Variants in IL1RAPL1 observed in about 807,000 individuals in gnomAD.
IL1RAPL1 encodes interleukin-1 receptor accessory protein-like 1.
A neutral mutation model predicts 48.4 loss-of-function variants in IL1RAPL1; 3 were observed. The ratio of observed to expected loss-of-function variants is 0.06; its 90% CI spans 0.03 to 0.16. The LOEUF (loss-of-function observed/expected upper bound fraction) is 0.16, where lower values mean the gene tolerates loss of function less well. Among genes scored for constraint, IL1RAPL1 ranks in the 10% least tolerant of loss-of-function variants. The pLI, the probability that IL1RAPL1 is intolerant of heterozygous loss-of-function variation, is 1.00. For missense variants in IL1RAPL1, 349 were observed against 530.6 expected (o/e 0.66, Z 3.36); for synonymous variants, 185 against 187.7 (o/e 0.99, Z 0.12).
chrX:29,113,974 T>C (rs1928625552), intron 2 of IL1RAPL1, among the ~76,000 whole-genome samples: 1 of 112,085 alleles, frequency 8.9e-6, no homozygotes, highest in Non-Finnish European at 1.9e-5. Flanking sequence ...TCTAGTTTTT[T>C]TGTAATGCAT....
chrX:28,625,200 T>C (rs1934326473), intron 1 of IL1RAPL1, among the ~76,000 whole-genome samples: 1 of 112,085 alleles, frequency 8.9e-6, no homozygotes, highest in East Asian at 2.8e-4. Context: ...GGATTCCTGC[T>C]CACCCATCTC....
chrX:29,157,367 G>A (rs1242192764), intron 2 of IL1RAPL1, among the ~76,000 whole-genome samples: 1 of 111,583 alleles, frequency 9.0e-6, no homozygotes, highest in Non-Finnish European at 1.9e-5. Flanking sequence ...ATTCATTGAA[G>A]TGCTGTAAAA....
At chrX:29,140,484 C>G (rs1929222700) in intron 2 of IL1RAPL1, among the ~76,000 whole-genome samples, 1 of 111,675 alleles carries the variant, frequency 9.0e-6, no homozygotes, top group African/African-American at 3.3e-5. Context: ...ATAGATGCAT[C>G]CACTGATGAG....
At chrX:29,387,054 A>C (rs753203430) in intron 3 of IL1RAPL1, among the ~76,000 whole-genome samples, 26 of 112,162 alleles carry the variant, frequency 2.3e-4, no homozygotes, top group Non-Finnish European at 4.3e-4. Context: ...ATTATTTCAA[A>C]CCATGACAGG....
At chrX:29,839,780 A>C (rs1393398622) in intron 6 of IL1RAPL1, among the ~76,000 whole-genome samples, 1 of 110,993 alleles carries the variant, frequency 9.0e-6, no homozygotes, top group Non-Finnish European at 1.9e-5. Context: ...AAATTAGCCA[A>C]ACATGGCGGT....
At chrX:28,827,610 A>G (rs1937007218) in intron 2 of IL1RAPL1, among the ~76,000 whole-genome samples, 1 of 111,824 alleles carries the variant, frequency 8.9e-6, no homozygotes, top group African/African-American at 3.2e-5. Flanking sequence ...GATCTATATT[A>G]CGTGGTAGTT....
At chrX:28,603,023 A>G (rs1391394655) in intron 1 of IL1RAPL1, among the ~76,000 whole-genome samples, 1 of 111,816 alleles carries the variant, frequency 8.9e-6, no homozygotes, top group Non-Finnish European at 1.9e-5. Flanking sequence ...GTATACACAC[A>G]AATTTACTTT....
chrX:29,244,545 A>G (rs1931475260), intron 2 of IL1RAPL1, among the ~76,000 whole-genome samples: 1 of 112,260 alleles, frequency 8.9e-6, no homozygotes, highest in African/African-American at 3.2e-5. Flanking sequence ...TTTCCATCCC[A>G]TATCAAAACT....
intron 5 of IL1RAPL1, among the ~76,000 whole-genome samples, chrX:29,541,904 C>T (rs1399124363): frequency 9.1e-6 from 1 of 110,450 alleles, no homozygotes; most frequent in Non-Finnish European, 1.9e-5. Flanking sequence ...CAAACCCACA[C>T]GTGTAGCCCC....
intron 2 of IL1RAPL1, among the ~76,000 whole-genome samples, chrX:29,207,929 T>C (rs1434552230): frequency 8.9e-6 from 1 of 111,871 alleles, no homozygotes; most frequent in Non-Finnish European, 1.9e-5. Context: ...TAAATACATA[T>C]ATATTTGTAA....
At chrX:28,805,778 CTGTTT>C (rs1294760802) in intron 2 of IL1RAPL1, among the ~76,000 whole-genome samples, 1 of 110,657 alleles carries the variant, frequency 9.0e-6, no homozygotes, top group African/African-American at 3.3e-5. Flanking sequence ...TTAAAAATAT[CTGTTT>C]TATTTACCTA....
At chrX:29,766,960 C>G (rs930206127) in intron 6 of IL1RAPL1, among the ~76,000 whole-genome samples, 1 of 109,575 alleles carries the variant, frequency 9.1e-6, no homozygotes, top group Non-Finnish European at 1.9e-5. Context: ...ATTTATGGTA[C>G]TGTTATCTAA....
At chrX:28,838,650 CT>C (rs932812862) in intron 2 of IL1RAPL1, among the ~76,000 whole-genome samples, 3 of 109,267 alleles carry the variant, frequency 2.7e-5, no homozygotes, top group Admixed American at 2.0e-4. Context: ...TTTTGTCTTC[CT>C]TTTTTTTGTT....
chrX:29,246,398 C>G (rs1010133621), intron 2 of IL1RAPL1, among the ~76,000 whole-genome samples: 1 of 109,936 alleles, frequency 9.1e-6, no homozygotes, highest in African/African-American at 3.3e-5. Flanking sequence ...CCCCTGATAG[C>G]TGATCTACCT....
chrX:28,654,083 G>A (rs965285022), intron 1 of IL1RAPL1, among the ~76,000 whole-genome samples: 4 of 110,437 alleles, frequency 3.6e-5, no homozygotes, highest in Admixed American at 9.7e-5. Context: ...CTACTATGGG[G>A]CTAAGGCAGG....
In IL1RAPL1 at chrX:29,472,337, T is replaced by C. The variant is rs144468290; in HGVS notation, c.703+73029T>C. On this transcript the variant is annotated intron_variant, in intron 5 of 10. Transcript: ENST00000378993. ...TCACTTTTTCTCCTTGGCTAGTAAA[T>C]GTGGGATTTACTCAAGACTGAGTCC... 2.1e-4 allele frequency among the ~76,000 whole-genome samples: 23 copies of C among 111,661 alleles called. No individual in the cohort carries two copies. The East Asian group carries it at 6.2e-3, about 30-fold the overall frequency.
At chrX:29,142,655 G>GCAT (rs1293304017) in intron 2 of IL1RAPL1, among the ~76,000 whole-genome samples, 5 of 111,306 alleles carry the variant, frequency 4.5e-5, no homozygotes, top group African/African-American at 1.6e-4. Context: ...TTCTATTCTT[G>GCAT]CATGTTTTCT....
At chrX:28,739,594 A>G (rs1019945076) in intron 1 of IL1RAPL1, among the ~76,000 whole-genome samples, 4 of 112,017 alleles carry the variant, frequency 3.6e-5, no homozygotes, top group Non-Finnish European at 7.5e-5. Flanking sequence ...CTAATAGAGT[A>G]GAAGAGACAG....
chrX:28,665,348 A>G (rs982329720), intron 1 of IL1RAPL1, among the ~76,000 whole-genome samples: 2 of 112,067 alleles, frequency 1.8e-5, no homozygotes, highest in African/African-American at 3.2e-5. Context: ...GGAATTTAAA[A>G]AAGTGTAAGT....
Sources: gnomAD v4.1 joint callset for allele counts (sites outside exome capture counted in the v4.1 genomes callset) on GRCh38, gnomAD v4.1.1 for gene constraint, MANE v1.5 for transcripts, NCBI Gene and HGNC (gene_info 2026-07-23, HGNC 2026-07-21) for gene names.